CNTLN: variants seen among roughly 807,000 people sequenced by gnomAD.
CNTLN encodes the protein centlein, centrosomal protein.
CNTLN carries 212 observed loss-of-function variants against 180.0 expected under a neutral mutation model. The observed-to-expected ratio is 1.18, with a 90% CI of 1.05 to 1.32. CNTLN has a LOEUF of 1.32. Ranked by LOEUF, CNTLN falls within the 40% of genes most tolerant of loss-of-function variation. The probability of loss-of-function intolerance (pLI) is 0.00; values close to 1 mark genes in which losing one functional copy is unlikely to be tolerated. For missense variants in CNTLN, 2,095 were observed against 1,610.9 expected (o/e 1.30, Z -5.14); for synonymous variants, 722 against 563.1 (o/e 1.28, Z -3.99).
chr9:17,473,626 T>G (rs1455281434), intron 23 of CNTLN, among the ~76,000 whole-genome samples: 1 of 151,814 alleles, frequency 6.6e-6, no homozygotes, highest in Non-Finnish European at 1.5e-5. Flanking sequence ...AAACAACCCT[T>G]CATTTGACTC....
rs565361130 is a variant in CNTLN, at chr9:17,401,108, G to T, written c.2615+6039G>T. Reference sequence around the variant, plus strand: ...TGTACTTTCTGAAAATAGCAATCTTGCTTTAGGTTCCTAGCATTTTATTCC... The same window carrying T: ...TGTACTTTCTGAAAATAGCAATCTTTCTTTAGGTTCCTAGCATTTTATTCC... On this transcript the variant is annotated intron_variant, in intron 15 of 25. Coordinates refer to ENST00000380647, the MANE Select transcript of CNTLN (RefSeq NM_017738.4). Among the ~76,000 whole-genome samples the T allele has an allele frequency of 3.3e-5, 5 of 152,026 alleles. No individual in the cohort carries two copies. In the South Asian group the frequency reaches 1.0e-3, roughly 32 times the overall value.
intron 16 of CNTLN, among the ~76,000 whole-genome samples, chr9:17,410,338 A>AT (rs1328377123): frequency 1.3e-5 from 2 of 152,212 alleles, no homozygotes; most frequent in Non-Finnish European, 2.9e-5. Flanking sequence ...GGCATTTGGA[A>AT]TTTTTTAGTA....
intron 21 of CNTLN, 57 bp from the exon 22 acceptor site, chr9:17,465,924 C>G (rs1402455401): frequency 1.5e-6 from 2 of 1,371,360 alleles, no homozygotes; most frequent in East Asian, 2.4e-5. Flanking sequence ...GGAACAAACA[C>G]AGTATATTAC....
At chr9:17,392,383 A>G (rs1318509916) in intron 14 of CNTLN, among the ~76,000 whole-genome samples, 1 of 152,260 alleles carries the variant, frequency 6.6e-6, no homozygotes, top group Admixed American at 6.5e-5. Flanking sequence ...TATGAAAAGT[A>G]TGCTGATTTG....
chr9:17,228,557 C>CT (rs983037578), intron 3 of CNTLN, among the ~76,000 whole-genome samples: 3 of 152,040 alleles, frequency 2.0e-5, no homozygotes, highest in Admixed American at 6.6e-5. Context: ...TTTTAAATCT[C>CT]TTTGATGATT....
chr9:17,379,560 TG>T (rs1399024366), intron 13 of CNTLN, among the ~76,000 whole-genome samples: 6 of 152,216 alleles, frequency 3.9e-5, no homozygotes, highest in African/African-American at 1.4e-4. Context: ...TCACCTCATT[TG>T]TTGCCCTCTC....
At chr9:17,490,597 C>G (rs538469635) in intron 25 of CNTLN, among the ~76,000 whole-genome samples, 33 of 152,018 alleles carry the variant, frequency 2.2e-4, no homozygotes, top group African/African-American at 7.7e-4. Flanking sequence ...TAGAGAGTGA[C>G]TGCTTACGGA....
intron 8 of CNTLN, among the ~76,000 whole-genome samples, chr9:17,322,631 A>C (rs146240242): frequency 6.6e-6 from 1 of 151,920 alleles, no homozygotes; most frequent in Non-Finnish European, 1.5e-5. Flanking sequence ...TTTTCCTACT[A>C]TTATTCAAAA....
chr9:17,197,552 T>G (rs1822214213), intron 2 of CNTLN, among the ~76,000 whole-genome samples: 2 of 152,190 alleles, frequency 1.3e-5, no homozygotes, highest in South Asian at 4.1e-4. Flanking sequence ...GAAATATATA[T>G]TCAGATCTTT....
At chr9:17,194,832 T>G (rs555912641) in intron 2 of CNTLN, among the ~76,000 whole-genome samples, 1 of 152,214 alleles carries the variant, frequency 6.6e-6, no homozygotes, top group South Asian at 2.1e-4. Context: ...TAATTGGACT[T>G]ACAGTTTTAC....
chr9:17,453,830 C>G (rs746781847), intron 18 of CNTLN, among the ~76,000 whole-genome samples: 25 of 152,234 alleles, frequency 1.6e-4, no homozygotes, highest in Non-Finnish European at 2.2e-4. Context: ...TGGCAACTTA[C>G]TTCTTTAAAA....
At chr9:17,522,591 C>T in the CNTLN span, among the ~76,000 whole-genome samples, 3 of 152,092 alleles carry the variant, frequency 2.0e-5, no homozygotes, top group Non-Finnish European at 4.4e-5. Flanking sequence ...ACAGTACAGC[C>T]TTGCCAATCC....
intron 13 of CNTLN, among the ~76,000 whole-genome samples, chr9:17,373,531 A>G (rs1056455216): frequency 6.6e-6 from 1 of 152,142 alleles, no homozygotes; most frequent in Non-Finnish European, 1.5e-5. Context: ...ATTGTTAACA[A>G]TATTGTTAAA....
chr9:17,453,439 A>T (rs1178154524), intron 18 of CNTLN, among the ~76,000 whole-genome samples: 1 of 152,202 alleles, frequency 6.6e-6, no homozygotes, highest in Non-Finnish European at 1.5e-5. Flanking sequence ...GGGGTTTGGG[A>T]TACTTTCTTG....
At chr9:17,260,729 C>T (rs945155036) in intron 5 of CNTLN, among the ~76,000 whole-genome samples, 4 of 151,504 alleles carry the variant, frequency 2.6e-5, no homozygotes, top group Non-Finnish European at 4.4e-5. Context: ...GTTGCAGTTG[C>T]TTTTGATGTC....
In CNTLN at chr9:17,303,550, GC is replaced by G. The variant is rs796860767; in HGVS notation, c.1146+5199del. 1.9e-3 allele frequency among the ~76,000 whole-genome samples: 268 copies of G among 143,200 alleles called. 1 individual carries two copies. The highest frequency in any genetic ancestry group is 7.0e-3 in the African/African-American group (253 of 36,090). The allele number at this position is 143,200 out of a possible 152,430, so 93.9% of individuals were successfully genotyped here. ...GAGCTTCTGAAGATTTTTTACTAACGCTTTTTTTTTCTCCTCAAAAATGTAG... is the reference window on the plus strand; with the variant it reads ...GAGCTTCTGAAGATTTTTTACTAACGTTTTTTTTTCTCCTCAAAAATGTAG... On this transcript the variant is annotated intron_variant, in intron 7 of 25. Transcript: ENST00000380647.
intron 15 of CNTLN, among the ~76,000 whole-genome samples, chr9:17,396,865 T>C (rs1326769374): frequency 6.6e-6 from 1 of 152,196 alleles, no homozygotes; most frequent in African/African-American, 2.4e-5. Flanking sequence ...TCAAAAAACA[T>C]ATTCATGAAG....
chr9:17,472,047 T>C (rs1832067325), intron 23 of CNTLN, among the ~76,000 whole-genome samples: 1 of 152,134 alleles, frequency 6.6e-6, no homozygotes, highest in Admixed American at 6.6e-5. Context: ...AAAATGATCA[T>C]TCATGCATTA....
At chr9:17,213,477 T>C (rs1823485729) in intron 2 of CNTLN, among the ~76,000 whole-genome samples, 1 of 152,212 alleles carries the variant, frequency 6.6e-6, no homozygotes, top group African/African-American at 2.4e-5. Flanking sequence ...TACTTCCAAC[T>C]ATGTGGTCAA....
Sources: allele counts gnomAD v4.1 joint callset (sites outside exome capture counted in the v4.1 genomes callset), GRCh38; gene constraint gnomAD v4.1.1; transcripts MANE v1.5; gene names NCBI Gene and HGNC (gene_info 2026-07-23, HGNC 2026-07-21).